TMEM132C: variants seen among roughly 807,000 people sequenced by gnomAD.
TMEM132C encodes transmembrane protein 132C.
TMEM132C carries 29 observed loss-of-function variants against 61.4 expected under a neutral mutation model. That is an observed-to-expected ratio of 0.47 (90% confidence interval 0.35 to 0.64). The LOEUF is 0.64. Among genes scored for constraint, TMEM132C ranks in the 30% least tolerant of loss-of-function variants. The pLI, the probability that TMEM132C is intolerant of heterozygous loss-of-function variation, is 0.00. For synonymous variants in TMEM132C, 656 were observed against 633.1 expected (o/e 1.04, Z -0.54); for missense variants, 1,408 against 1,476.9 (o/e 0.95, Z 0.76).
At chr12:128,666,931 G>A (rs9739488) in intron 4 of TMEM132C, among the ~76,000 whole-genome samples, 8,647 of 152,204 alleles carry the variant, frequency 0.057, 722 homozygotes, top group African/African-American at 0.18. Context: ...TTAGCCGGGC[G>A]TGGTGGCCGG....
At chr12:128,642,044 A>G in intron 4 of TMEM132C, among the ~76,000 whole-genome samples, 1 of 150,850 alleles carries the variant, frequency 6.6e-6, no homozygotes, top group East Asian at 2.0e-4. Context: ...CCTGACCTCA[A>G]GTGATCCACC....
intron 2 of TMEM132C, among the ~76,000 whole-genome samples, chr12:128,440,250 G>T (rs1411046930): frequency 6.6e-6 from 1 of 152,116 alleles, no homozygotes. Context: ...GTTTTATTTT[G>T]TCTCTACAAG....
At chr12:128,370,338 C>A (rs1197192624) in intron 1 of TMEM132C, among the ~76,000 whole-genome samples, 1 of 152,100 alleles carries the variant, frequency 6.6e-6, no homozygotes, top group African/African-American at 2.4e-5. Context: ...TAAGCATAAC[C>A]AGAAAATGTT....
chr12:128,335,485 T>C (rs1284759876), intron 1 of TMEM132C, among the ~76,000 whole-genome samples: 1 of 152,238 alleles, frequency 6.6e-6, no homozygotes, highest in African/African-American at 2.4e-5. Context: ...CGTCATTATA[T>C]TGAATGGGGC....
intron 1 of TMEM132C, among the ~76,000 whole-genome samples, chr12:128,344,371 G>A (rs907644446): frequency 1.3e-5 from 2 of 152,122 alleles, no homozygotes; most frequent in Non-Finnish European, 2.9e-5. Context: ...TGTTAGCCAG[G>A]ATAGTCTCCA....
intron 1 of TMEM132C, among the ~76,000 whole-genome samples, chr12:128,310,716 G>A (rs2135926582): frequency 6.6e-6 from 1 of 152,180 alleles, no homozygotes; most frequent in Middle Eastern, 3.4e-3. Flanking sequence ...ATTTGGGTGG[G>A]GACAGACATG....
At chr12:128,532,106 A>T (rs1163241670) in intron 2 of TMEM132C, among the ~76,000 whole-genome samples, 1 of 152,242 alleles carries the variant, frequency 6.6e-6, no homozygotes, top group Non-Finnish European at 1.5e-5. Flanking sequence ...GTGCATTTTC[A>T]GTGCTTGCCA....
chr12:128,268,028 C>A (rs563346357), intron 1 of TMEM132C, among the ~76,000 whole-genome samples: 2 of 152,308 alleles, frequency 1.3e-5, no homozygotes, highest in African/African-American at 4.8e-5. Context: ...CCTAGAGGAA[C>A]GCTCACTCAT....
rs576055853 is a variant in TMEM132C at position 128,705,237 on chromosome 12, G to A, written c.2269G>A (p.Val757Ile). 4.5e-5 allele frequency: 70 copies of A among 1,551,688 alleles called. No individual in the cohort carries two copies. The South Asian group carries it at 6.2e-4, about 14-fold the overall frequency. ...VPQPRSPRWP[V>I]VVAEGEGQGP... Reference sequence around the variant, plus strand: ...CCAGCCCCGCTCTCCCAGGTGGCCCGTTGTGGTGGCCGAAGGGGAAGGCCA... The same window carrying A: ...CCAGCCCCGCTCTCCCAGGTGGCCCATTGTGGTGGCCGAAGGGGAAGGCCA... The change falls in exon 9 of 9, where the codon GTT (valine) becomes ATT (isoleucine). Residue 757 changes from valine to isoleucine, a missense_variant. By Grantham distance (29) the Val-to-Ile change is conservative (BLOSUM62 3). Coordinates refer to ENST00000435159, the MANE Select transcript of TMEM132C (RefSeq NM_001136103.3).
At chr12:128,559,869 C>A (rs1874453430) in intron 3 of TMEM132C, among the ~76,000 whole-genome samples, 1 of 152,198 alleles carries the variant, frequency 6.6e-6, no homozygotes, top group South Asian at 2.1e-4. Context: ...TCTAAATTCT[C>A]ACTTAACCTG....
At chr12:128,306,009 A>G (rs1419693360) in intron 1 of TMEM132C, among the ~76,000 whole-genome samples, 2 of 152,128 alleles carry the variant, frequency 1.3e-5, no homozygotes, top group African/African-American at 2.4e-5. Flanking sequence ...GATTGTGTGC[A>G]GTTAATGAAG....
At chr12:128,455,155 G>C (rs1417504389) in intron 2 of TMEM132C, among the ~76,000 whole-genome samples, 1 of 152,162 alleles carries the variant, frequency 6.6e-6, no homozygotes, top group Non-Finnish European at 1.5e-5. Flanking sequence ...TGAATTTTTG[G>C]TACTCCAAGC....
At chr12:128,556,692 G>T (rs542948823) in intron 3 of TMEM132C, among the ~76,000 whole-genome samples, 1 of 152,058 alleles carries the variant, frequency 6.6e-6, no homozygotes, top group Non-Finnish European at 1.5e-5. Flanking sequence ...TCATAAAAGC[G>T]CCCTGCACCA....
intron 4 of TMEM132C, among the ~76,000 whole-genome samples, chr12:128,660,710 G>C (rs1338527276): frequency 6.6e-6 from 1 of 152,182 alleles, no homozygotes; most frequent in African/African-American, 2.4e-5. Context: ...TTGGCATCGT[G>C]GACTGGCCCA....
At chr12:128,282,688 C>G (rs1870936091) in intron 1 of TMEM132C, among the ~76,000 whole-genome samples, 1 of 152,208 alleles carries the variant, frequency 6.6e-6, no homozygotes, top group South Asian at 2.1e-4. Flanking sequence ...GGATCTAGTT[C>G]AGGATTGCAC....
At chr12:128,551,901 G>T (rs1321809995) in intron 3 of TMEM132C, among the ~76,000 whole-genome samples, 1 of 152,146 alleles carries the variant, frequency 6.6e-6, no homozygotes, top group Non-Finnish European at 1.5e-5. Flanking sequence ...TTCGAACGTT[G>T]CACCTTGATC....
At chr12:128,373,329 C>A (rs1001344033) in intron 1 of TMEM132C, among the ~76,000 whole-genome samples, 8 of 152,146 alleles carry the variant, frequency 5.3e-5, no homozygotes, top group Non-Finnish European at 1.0e-4. Context: ...AAACAGATAT[C>A]CCCCTAATTG....
chr12:128,489,752 C>T (rs924696128), intron 2 of TMEM132C, among the ~76,000 whole-genome samples: 5 of 151,974 alleles, frequency 3.3e-5, no homozygotes, highest in African/African-American at 7.3e-5. Flanking sequence ...GAAATTTTCT[C>T]GCCTCACTCA....
chr12:128,441,061 C>A (rs895697747), intron 2 of TMEM132C, among the ~76,000 whole-genome samples: 1 of 152,106 alleles, frequency 6.6e-6, no homozygotes, highest in Non-Finnish European at 1.5e-5. Context: ...AACAAACAAG[C>A]AAACAGTAAA....
Sources: allele counts gnomAD v4.1 joint callset (sites outside exome capture counted in the v4.1 genomes callset), GRCh38; gene constraint gnomAD v4.1.1; transcripts MANE v1.5; gene names NCBI Gene and HGNC (gene_info 2026-07-23, HGNC 2026-07-21).